PCGF5: variants seen among roughly 807,000 people sequenced by gnomAD.
PCGF5 encodes polycomb group ring finger 5, also known as polycomb group RING finger protein 5.
In PCGF5, 9 loss-of-function variants were observed where a neutral mutation model predicts 44.3. The ratio of observed to expected loss-of-function variants is 0.20; its 90% CI spans 0.12 to 0.35. The LOEUF (loss-of-function observed/expected upper bound fraction) is 0.35. Ranked by LOEUF, PCGF5 falls within the 10% of genes least tolerant of loss-of-function variation. The pLI is 1.00. For missense variants in PCGF5, 146 were observed against 305.3 expected (o/e 0.48, Z 3.89); for synonymous variants, 95 against 102.5 (o/e 0.93, Z 0.44).
intron 1 of PCGF5, among the ~76,000 whole-genome samples, chr10:91,196,040 G>T (rs552614851): frequency 6.6e-6 from 1 of 150,770 alleles, no homozygotes; most frequent in East Asian, 1.9e-4. Flanking sequence ...CCACTTTCTC[G>T]CATCCCCTAC....
rs376823345 is a variant in PCGF5, at chr10:91,200,549, T to G, written c.-183-22140T>G. Among the ~76,000 whole-genome samples, 12 of 152,266 alleles carry G rather than the reference T, an allele frequency of 7.9e-5. No homozygotes were observed. The East Asian group carries it at 1.9e-3, about 24-fold the overall frequency. On this transcript the variant is annotated intron_variant, in intron 1 of 9. Transcript: ENST00000614189. ...TGCATTGCATTTGTCATTGTTGAGGTGCTGCTATAAGGGACTGTGCCAGAA... is the reference window on the plus strand; with the variant it reads ...TGCATTGCATTTGTCATTGTTGAGGGGCTGCTATAAGGGACTGTGCCAGAA...
intron 2 of PCGF5, among the ~76,000 whole-genome samples, chr10:91,237,812 G>A (rs1168232677): frequency 6.6e-6 from 1 of 151,926 alleles, no homozygotes; most frequent in African/African-American, 2.4e-5. Context: ...AGAATAGGCA[G>A]GTGACTGGGC....
intron 1 of PCGF5, among the ~76,000 whole-genome samples, chr10:91,177,182 G>A (rs559170263): frequency 1.8e-4 from 27 of 152,330 alleles, no homozygotes; most frequent in Middle Eastern, 3.4e-3. Flanking sequence ...TTCAGACCCT[G>A]TTTGCCTGGG....
At position 91,266,509 on chromosome 10, in the gene PCGF5, G is replaced by T. The variant is rs187613973; in HGVS notation, c.663+1989G>T. ...GCATATTTTAATAAAAGTTCAAAAA[G>T]TGATTCAGTAGCTATGGTTTATCAT... On this transcript the variant is annotated intron_variant, in intron 8 of 9. Transcript: ENST00000336126. 3.3e-5 allele frequency among the ~76,000 whole-genome samples: 5 copies of T among 152,246 alleles called. No individual in the cohort carries two copies. In the East Asian group the frequency reaches 9.6e-4, roughly 29 times the overall value.
upstream of PCGF5, among the ~76,000 whole-genome samples, chr10:91,160,138 T>C (rs1843360363): frequency 6.6e-6 from 1 of 152,218 alleles, no homozygotes; most frequent in Admixed American, 6.5e-5. Context: ...CCACCAAGAA[T>C]ACCCTTCCTC....
chr10:91,212,728 T>G (rs1844475946), intron 1 of PCGF5, among the ~76,000 whole-genome samples: 1 of 152,244 alleles, frequency 6.6e-6, no homozygotes, highest in South Asian at 2.1e-4. Flanking sequence ...GGAAGGCAGC[T>G]CTCTATAAAA....
chr10:91,232,243 G>C (rs1437922247), intron 2 of PCGF5, among the ~76,000 whole-genome samples: 1 of 152,204 alleles, frequency 6.6e-6, no homozygotes, highest in Non-Finnish European at 1.5e-5. Flanking sequence ...GTCTTTTCAA[G>C]AGCAGTTTCA....
chr10:91,202,160 T>A (rs1183598666), intron 1 of PCGF5, among the ~76,000 whole-genome samples: 1 of 152,240 alleles, frequency 6.6e-6, no homozygotes, highest in East Asian at 1.9e-4. Context: ...TGTTCACTGC[T>A]TAGAACCATG....
chr10:91,263,973 T>C (rs1039028890), intron 7 of PCGF5, among the ~76,000 whole-genome samples: 3 of 152,104 alleles, frequency 2.0e-5, no homozygotes, highest in African/African-American at 7.2e-5. Context: ...AACCCCAAAC[T>C]AATAAGAAGA....
chr10:91,254,523 CT>C (rs201559478), intron 6 of PCGF5, among the ~76,000 whole-genome samples: 2 of 151,824 alleles, frequency 1.3e-5, no homozygotes, highest in African/African-American at 4.8e-5. Context: ...CTGATACTAT[CT>C]TTTTTTTATA....
chr10:91,184,840 C>T (rs1843889809), intron 1 of PCGF5, among the ~76,000 whole-genome samples: 1 of 152,136 alleles, frequency 6.6e-6, no homozygotes, highest in African/African-American at 2.4e-5. Flanking sequence ...GAGGTATCAC[C>T]AGTGAAGGCT....
chr10:91,259,099 CT>C (rs1845830141), intron 6 of PCGF5, among the ~76,000 whole-genome samples: 1 of 152,110 alleles, frequency 6.6e-6, no homozygotes, highest in Non-Finnish European at 1.5e-5. Flanking sequence ...TCATTTTCAG[CT>C]TGGGTGTCCC....
At chr10:91,268,404 T>G (rs1846095743) in intron 8 of PCGF5, among the ~76,000 whole-genome samples, 1 of 152,220 alleles carries the variant, frequency 6.6e-6, no homozygotes, top group African/African-American at 2.4e-5. Context: ...ACCCATTTAT[T>G]CTTCCAAATG....
At chr10:91,223,909 C>A (rs1417742196) in intron 2 of PCGF5, among the ~76,000 whole-genome samples, 1 of 152,048 alleles carries the variant, frequency 6.6e-6, no homozygotes, top group Non-Finnish European at 1.5e-5. Flanking sequence ...TATTCAACTC[C>A]AAAACCCATG....
intron 8 of PCGF5, among the ~76,000 whole-genome samples, chr10:91,269,281 T>C (rs1277013862): frequency 1.3e-5 from 2 of 152,224 alleles, no homozygotes; most frequent in African/African-American, 4.8e-5. Context: ...GGAAGGGACT[T>C]ATGTCATATC....
chr10:91,219,447 A>G (rs557223795), upstream of PCGF5, among the ~76,000 whole-genome samples: 1 of 152,344 alleles, frequency 6.6e-6, no homozygotes, highest in South Asian at 2.1e-4. Context: ...TATTTTAAAC[A>G]CACTAGAAGT....
At chr10:91,176,978 C>T (rs1055616378) in intron 1 of PCGF5, among the ~76,000 whole-genome samples, 38 of 151,876 alleles carry the variant, frequency 2.5e-4, no homozygotes, top group Non-Finnish European at 4.6e-4. Flanking sequence ...GGAGGAGAGG[C>T]GCCCTGATTT....
chr10:91,250,991 A>G (rs1320461198), intron 5 of PCGF5, among the ~76,000 whole-genome samples: 3 of 151,758 alleles, frequency 2.0e-5, no homozygotes, highest in Non-Finnish European at 2.9e-5. Context: ...ACATAGTCTA[A>G]TTACTAATTG....
At chr10:91,162,754 T>C (rs1450787820), upstream of PCGF5, among the ~76,000 whole-genome samples, 2 of 148,300 alleles carry the variant, frequency 1.3e-5, no homozygotes, top group Non-Finnish European at 3.0e-5. Context: ...GGCGAGAGGC[T>C]GTGCCCCAGT....
Sources: allele counts gnomAD v4.1 joint callset (sites outside exome capture counted in the v4.1 genomes callset), GRCh38; gene constraint gnomAD v4.1.1; transcripts MANE v1.5; gene names NCBI Gene and HGNC (gene_info 2026-07-23, HGNC 2026-07-21).